The following PLCL1 variants were observed in gnomAD, a reference collection of about 807,000 sequenced individuals.
The protein encoded by PLCL1 is phospholipase C like 1 (inactive), also known as inactive phospholipase C-like protein 1.
A neutral mutation model predicts 84.4 loss-of-function variants in PLCL1; 41 were observed. The observed-to-expected ratio is 0.49, with a 90% CI of 0.38 to 0.63. The LOEUF is 0.63. PLCL1 is among the 30% of genes least tolerant of loss of function. The probability of loss-of-function intolerance (pLI) is 0.00; values close to 1 mark genes in which losing one functional copy is unlikely to be tolerated. For synonymous variants in PLCL1, 490 were observed against 488.3 expected, an observed-to-expected ratio of 1.00 and a Z score of -0.05; for missense variants, 1,206 against 1,367.8, an observed-to-expected ratio of 0.88 and a Z score of 1.87.
chr2:197,906,606 A>G (rs976665725), intron 1 of PLCL1, among the ~76,000 whole-genome samples: 2 of 152,140 alleles, frequency 1.3e-5, no homozygotes. Flanking sequence ...AAGAAAGTCA[A>G]TGGTATCTTG....
At chr2:197,982,962 T>G (rs1057214875) in intron 1 of PLCL1, among the ~76,000 whole-genome samples, 4 of 152,120 alleles carry the variant, frequency 2.6e-5, no homozygotes, top group Non-Finnish European at 4.4e-5. Flanking sequence ...TAAATGTTTG[T>G]TTGCTTAATT....
intron 1 of PLCL1, among the ~76,000 whole-genome samples, chr2:197,913,833 A>G (rs374655422): frequency 1.3e-5 from 2 of 152,160 alleles, no homozygotes; most frequent in Non-Finnish European, 2.9e-5. Flanking sequence ...TGGTGGAGGC[A>G]AAGTTTTCTC....
chr2:198,117,954 T>C (rs2105925256), intron 5 of PLCL1, among the ~76,000 whole-genome samples: 1 of 151,922 alleles, frequency 6.6e-6, no homozygotes, highest in East Asian at 1.9e-4. Flanking sequence ...GGAACAATTA[T>C]ATGTATGCAT....
chr2:197,972,409 T>A (rs550783050), intron 1 of PLCL1, among the ~76,000 whole-genome samples: 1 of 152,140 alleles, frequency 6.6e-6, no homozygotes, highest in South Asian at 2.1e-4. Context: ...AAAAGGAGAT[T>A]TTTTTTCCCC....
intron 1 of PLCL1, among the ~76,000 whole-genome samples, chr2:197,917,090 T>C (rs1688613323): frequency 6.6e-6 from 1 of 152,224 alleles, no homozygotes; most frequent in South Asian, 2.1e-4. Flanking sequence ...CTTTAAAAGA[T>C]AGTTTGACAG....
At chr2:197,999,932 C>T (rs961309115) in intron 1 of PLCL1, among the ~76,000 whole-genome samples, 2 of 152,178 alleles carry the variant, frequency 1.3e-5, no homozygotes, top group Non-Finnish European at 2.9e-5. Flanking sequence ...TGCAGTCACA[C>T]ATAGCTGAAA....
intron 1 of PLCL1, among the ~76,000 whole-genome samples, chr2:198,022,162 C>T (rs760500376): frequency 1.3e-4 from 20 of 152,194 alleles, no homozygotes; most frequent in East Asian, 3.9e-4. Flanking sequence ...GATGCAGAAA[C>T]GCCCTTCAAT....
intron 1 of PLCL1, among the ~76,000 whole-genome samples, chr2:198,041,225 T>G (rs1422731558): frequency 6.6e-6 from 1 of 152,254 alleles, no homozygotes; most frequent in Non-Finnish European, 1.5e-5. Context: ...TGTTTTACAA[T>G]CTTGAATTTT....
At chr2:197,973,675 A>G (rs1237744651) in intron 1 of PLCL1, among the ~76,000 whole-genome samples, 4 of 152,142 alleles carry the variant, frequency 2.6e-5, no homozygotes, top group Non-Finnish European at 5.9e-5. Flanking sequence ...TCACATGTTC[A>G]GGGAAAAGGA....
intron 1 of PLCL1, among the ~76,000 whole-genome samples, chr2:198,014,917 C>A (rs760652952): frequency 6.6e-6 from 1 of 152,042 alleles, no homozygotes; most frequent in Non-Finnish European, 1.5e-5. Context: ...AATTTTTCCC[C>A]CCATATATTT....
chr2:197,823,575 A>G (rs770717462), intron 1 of PLCL1, among the ~76,000 whole-genome samples: 2 of 152,176 alleles, frequency 1.3e-5, no homozygotes, highest in Non-Finnish European at 2.9e-5. Context: ...TAAGACTTTG[A>G]TCATAGAGGG....
At chr2:197,871,210 G>A (rs1687646495) in intron 1 of PLCL1, among the ~76,000 whole-genome samples, 1 of 152,022 alleles carries the variant, frequency 6.6e-6, no homozygotes, top group Admixed American at 6.6e-5. Context: ...GGGATGTGAG[G>A]GGCCTGTACA....
intron 1 of PLCL1, among the ~76,000 whole-genome samples, chr2:197,940,106 G>GT (rs145792435): frequency 1.1e-4 from 17 of 151,498 alleles, no homozygotes; most frequent in South Asian, 4.2e-4. Context: ...TCTCCAAATT[G>GT]TTTTTTTTGA....
At position 198,148,351 on chromosome 2, in the gene PLCL1, A is replaced by G. The variant is rs1574347426; in HGVS notation, c.*1389A>G. The G allele has an allele frequency of 6.6e-6, 1 of 152,474 alleles. No homozygotes were observed. The highest frequency in any genetic ancestry group is 2.1e-4 in the South Asian group (1 of 4,828). 9.4% of individuals were successfully genotyped at this position (152,474 alleles called of 1,614,324 possible). On this transcript the variant is annotated 3_prime_UTR_variant, in exon 6 of 6. Transcript: ENST00000428675. ...GCTTCTGTGTTATTTCTGACTTCTT[A>G]ACACTATTATGTTTATGTTGCACAT...
At chr2:198,035,891 G>A (rs893867010) in intron 1 of PLCL1, among the ~76,000 whole-genome samples, 4 of 152,064 alleles carry the variant, frequency 2.6e-5, no homozygotes, top group African/African-American at 9.7e-5. Flanking sequence ...AAAAAAATTA[G>A]CCGGGCATGG....
intron 1 of PLCL1, among the ~76,000 whole-genome samples, chr2:197,870,240 T>G (rs993068467): frequency 6.6e-6 from 1 of 152,150 alleles, no homozygotes; most frequent in South Asian, 2.1e-4. Context: ...TTAGGGTGTT[T>G]GATGTGAATT....
intron 1 of PLCL1, among the ~76,000 whole-genome samples, chr2:197,915,403 T>G (rs1380829666): frequency 6.6e-6 from 1 of 152,046 alleles, no homozygotes; most frequent in Non-Finnish European, 1.5e-5. Context: ...TGGAGGAATT[T>G]TACTTGTCAA....
At chr2:198,132,415 A>G (rs1166595497) in intron 5 of PLCL1, among the ~76,000 whole-genome samples, 2 of 152,124 alleles carry the variant, frequency 1.3e-5, no homozygotes, top group African/African-American at 4.8e-5. Context: ...TGGATTCTCT[A>G]CATGGTGATA....
At position 198,148,310 on chromosome 2, in the gene PLCL1, A is replaced by G. The variant is rs28513170; in HGVS notation, c.*1348A>G. On this transcript the variant is annotated 3_prime_UTR_variant, in exon 6 of 6. Coordinates refer to ENST00000428675, the MANE Select transcript of PLCL1 (RefSeq NM_006226.4). ...AGATAATTGTTGAAATTTTGCAAATATAAACATCTCCTATAGCTTCTGTGT... is the reference window on the plus strand; with the variant it reads ...AGATAATTGTTGAAATTTTGCAAATGTAAACATCTCCTATAGCTTCTGTGT... The G allele has an allele frequency of 1.4e-3, 214 of 152,488 alleles. 2 individuals are homozygous for G. The highest frequency in any genetic ancestry group is 0.01 in the Middle Eastern group (3 of 294). The allele number at this position is 152,488 out of a possible 1,614,324, so 9.4% of individuals were successfully genotyped here.
Sources: allele counts gnomAD v4.1 joint callset (sites outside exome capture counted in the v4.1 genomes callset), GRCh38; gene constraint gnomAD v4.1.1; transcripts MANE v1.5; gene names NCBI Gene and HGNC (gene_info 2026-07-23, HGNC 2026-07-21).